ALOX15: variants seen among roughly 807,000 people sequenced by gnomAD.
ALOX15 encodes the protein polyunsaturated fatty acid lipoxygenase ALOX15.
ALOX15 carries 68 observed loss-of-function variants against 71.7 expected under a neutral mutation model. That is an observed-to-expected ratio of 0.95 (90% CI 0.78 to 1.16). The LOEUF is 1.16. ALOX15 is among the 50% of genes most tolerant of loss of function. ALOX15 has a pLI of 0.00. For missense variants in ALOX15, 798 were observed against 818.8 expected (o/e 0.97, Z 0.31); for synonymous variants, 346 against 333.3 (o/e 1.04, Z -0.42).
intron 2 of ALOX15, 53 bp downstream of exon 2, chr17:4,639,377 C>G: frequency 6.2e-7 from 1 of 1,602,736 alleles, no homozygotes; most frequent in Non-Finnish European, 8.5e-7. Flanking sequence ...GCGCATCCCC[C>G]CAGCTTCTCA....
At chr17:4,636,584 C>G (rs1453835792) in intron 7 of ALOX15, among the ~76,000 whole-genome samples, 1 of 152,066 alleles carries the variant, frequency 6.6e-6, no homozygotes, top group African/African-American at 2.4e-5. Flanking sequence ...GGCATGTTGC[C>G]CCAGTCCCTA....
Position 4,638,960 on chromosome 17 carries a change from C to T in ALOX15, c.432G>A (p.Trp144Ter). 1 of 1,614,246 alleles carries T rather than the reference C, an allele frequency of 6.2e-7. No individual in the cohort carries two copies. Among genetic ancestry groups the T allele is most frequent in the Non-Finnish European group, 8.5e-7 (1 of 1,180,048 alleles). ...ERRKLYRWGN[W>*]KDGLILNMAG... ...CCATATTCAGAATTAACCCGTCCTT[C>T]CAGTTTCCCCACCTGTGGGGCAGGA... The change falls in exon 4 of 14, where the codon TGG becomes TGA. Residue 144 changes from tryptophan (W) to a stop codon, truncating the protein, a stop_gained. Coordinates refer to ENST00000293761, the MANE Select transcript of ALOX15 (RefSeq NM_001140.5). LOFTEE classifies it high-confidence loss of function.
chr17:4,639,058 A>T lies in ALOX15; in HGVS notation c.412T>A (p.Leu138Met). Residue 138 changes from leucine (L) to methionine (M), a missense_variant, in exon 3 of 14, where the codon TTG becomes ATG. By Grantham distance (15) the Leu-to-Met change is conservative. Around this residue, in one of 3 missense-constraint regions of ALOX15, gnomAD observed 300 missense variants for 283.1 expected, o/e 1.06. Coordinates refer to ENST00000293761, the MANE Select transcript of ALOX15 (RefSeq NM_001140.5). ...CAGGGGAGGAGGGCTCACCGGTACA[A>T]CTTCCTTCTCTCTTCCAGCTCTTCT... ...REEELEERRK[L>M]YRWGNWKDGL... 6.2e-7 allele frequency: 1 copy of T among 1,614,132 alleles called. No individual in the cohort carries two copies. Among genetic ancestry groups the T allele is most frequent in the Non-Finnish European group, 8.5e-7 (1 of 1,180,008 alleles).
chr17:4,639,703 T>C, intron 1 of ALOX15, 72 bp from the exon 2 acceptor site: 2 of 1,449,460 alleles, frequency 1.4e-6, no homozygotes, highest in Non-Finnish European at 1.9e-6. Context: ...CCCTGCTCCC[T>C]CCAGCGCCCA....
rs17852628 is a variant in ALOX15, at chr17:4,633,183, C to A, written c.1381G>T (p.Ala461Ser). ...TCCCAGAGCCGCAGCGCATCTTGGG[C>A]ATAGAAGGAAGACTTCACTCCCAGG... ...GLLGVKSSFY[A>S]QDALRLWEII... Residue 461 changes from alanine to serine, a missense_variant, in exon 10 of 14, where the codon GCC becomes TCC. Coordinates refer to ENST00000293761, the MANE Select transcript of ALOX15 (RefSeq NM_001140.5). 6.2e-7 allele frequency: 1 copy of A among 1,614,132 alleles called. No individual in the cohort carries two copies. The highest frequency in any genetic ancestry group is 8.5e-7 in the Non-Finnish European group (1 of 1,180,000).
At chr17:4,635,291 A>G (rs1911056958) in intron 8 of ALOX15, among the ~76,000 whole-genome samples, 6 of 151,666 alleles carry the variant, frequency 4.0e-5, no homozygotes, top group Middle Eastern at 3.4e-3. Context: ...AAAATTAGCC[A>G]GGCCTGGTGG....
chr17:4,641,552 C>T lies in ALOX15; in HGVS notation c.100G>A (p.Ala34Thr), dbSNP rs1197806271. 5.6e-6 allele frequency: 9 copies of T among 1,613,332 alleles called. No individual in the cohort carries two copies. The highest frequency in any genetic ancestry group is 1.1e-5 in the South Asian group (1 of 91,076). Reference sequence around the variant, plus strand: ...GCGGGCCACAGTCGCTTCCCGAGCGCCGCCTCCCCGTGCTGGCCGACCAGC... The same window carrying T: ...GCGGGCCACAGTCGCTTCCCGAGCGTCGCCTCCCCGTGCTGGCCGACCAGC... ...LWLVGQHGEA[A>T]LGKRLWPARG... Residue 34 changes from alanine (A) to threonine (T), a missense_variant, in exon 1 of 14, where the codon GCG becomes ACG. By Grantham distance (58) the Ala-to-Thr change is moderately conservative. Around this residue, in one of 3 missense-constraint regions of ALOX15, gnomAD observed 300 missense variants for 283.1 expected, o/e 1.06. Transcript: ENST00000293761.
In ALOX15 at chr17:4,631,260, C is replaced by A; in HGVS notation, c.*340G>T. 1 of 235,608 alleles carries A rather than the reference C, an allele frequency of 4.2e-6. No homozygotes were observed. The highest frequency in any genetic ancestry group is 9.2e-5 in the East Asian group (1 of 10,848). The allele number at this position is 235,608 out of a possible 1,614,324, so 14.6% of individuals were successfully genotyped here. A position where few individuals can be genotyped will look rare whatever the true frequency, so the allele number is the denominator to read the frequency against. ...AACAACAAAAAAATCATATTTGATTCATAAAAGGTGTGGAGTAATATGTAT... is the reference window on the plus strand; with the variant it reads ...AACAACAAAAAAATCATATTTGATTAATAAAAGGTGTGGAGTAATATGTAT... On this transcript the variant is annotated 3_prime_UTR_variant, in exon 14 of 14. Coordinates refer to ENST00000293761, the MANE Select transcript of ALOX15 (RefSeq NM_001140.5).
chr17:4,634,555 A>G (rs946836099), intron 8 of ALOX15, among the ~76,000 whole-genome samples: 1 of 150,802 alleles, frequency 6.6e-6, no homozygotes, highest in Non-Finnish European at 1.5e-5. Context: ...CCCTTTTGAG[A>G]TGTTTTTTCC....
In ALOX15 at chr17:4,631,933, G is replaced by A. The variant is rs2150534485; in HGVS notation, c.1765C>T (p.Gln589Ter). ...CCCAGCTGCCAAGTGATGGACATCT[G>A]GAGAGAAGCCTGGTGGAAGTTGGGC... ...TLPNFHQASL[Q>*]MSITWQLGRR... is the part of the protein sequence containing the mutation. Residue 589 changes from glutamine to a stop codon, truncating the protein, a stop_gained, in exon 13 of 14, where the codon CAG becomes TAG. Transcript: ENST00000293761. LOFTEE classifies it low-confidence loss of function (END_TRUNC). 6.2e-7 allele frequency: 1 copy of A among 1,614,050 alleles called. No homozygotes were observed. Among genetic ancestry groups the A allele is most frequent in the Non-Finnish European group, 8.5e-7 (1 of 1,180,002 alleles).
intron 1 of ALOX15, 22 bp from the exon 2 acceptor site, chr17:4,639,653 C>G: frequency 6.3e-7 from 1 of 1,594,670 alleles, no homozygotes; most frequent in South Asian, 1.1e-5. Context: ...AGAAGAGGCT[C>G]AGCCCCGGTG....
At position 4,632,311 on chromosome 17, in the gene ALOX15, C is replaced by A. The variant is rs753730814; in HGVS notation, c.1541-30G>T. The A allele has an allele frequency of 5.7e-6, 9 of 1,589,038 alleles. No homozygotes were observed. The Admixed American group carries it at 8.4e-5, about 15-fold the overall frequency. ...AAGGGGTGAAGAGAGTTAGAAGCTG[C>A]GAAGGCAGGAGTAGGGCAGCGCTCA... On this transcript the variant is annotated intron_variant, in intron 11 of 13. Coordinates refer to ENST00000293761, the MANE Select transcript of ALOX15 (RefSeq NM_001140.5).
rs147083325 is a variant in ALOX15, at chr17:4,638,678, G to A, written c.549C>T (p.Ala183=). The A allele has an allele frequency of 2.7e-5, 43 of 1,613,994 alleles. 1 individual carries two copies. Among genetic ancestry groups the A allele is most frequent in the Admixed American group, 6.7e-5 (4 of 59,996 alleles). ...DFEVSLAKGL[A]DLAIKDSLNV... ...TTAGAGAGTCTTTGATAGCGAGGTC[G>A]GCCAGCCTTCAGGGCAGGATGGGGC... The change falls in exon 5 of 14, where the codon GCC becomes GCT. Residue 183 remains alanine, a synonymous_variant. Transcript: ENST00000293761.
chr17:4,635,800 C>A lies in ALOX15; in HGVS notation c.1120G>T (p.Ala374Ser). ...GHLMAEVIVV[A>S]TMRCLPSIHP... is the part of the protein sequence containing the mutation. Reference sequence around the variant, plus strand: ...ATCGACGGCAGGCACCTCATGGTGGCCACAACAATGACCTCAGCCATCAAG... The same window carrying A: ...ATCGACGGCAGGCACCTCATGGTGGACACAACAATGACCTCAGCCATCAAG... Residue 374 changes from alanine to serine, a missense_variant, in exon 8 of 14, where the codon GCC becomes TCC. Coordinates refer to ENST00000293761, the MANE Select transcript of ALOX15 (RefSeq NM_001140.5). The A allele has an allele frequency of 6.2e-7, 1 of 1,614,214 alleles. No homozygotes were observed. The highest frequency in any genetic ancestry group is 8.5e-7 in the Non-Finnish European group (1 of 1,180,042).
In ALOX15 at chr17:4,630,985, A is replaced by G. The variant is rs1910875767; in HGVS notation, c.*615T>C. On this transcript the variant is annotated 3_prime_UTR_variant, in exon 14 of 14. Transcript: ENST00000293761. ...TCTTTTCCATCTTTAGCGTAAAACA[A>G]CTTTTTATTATTGTTAAACTCAATT... is the stretch of plus-strand genomic sequence containing the variant. 1.3e-5 allele frequency: 2 copies of G among 152,218 alleles called. No individual in the cohort carries two copies. The highest frequency in any genetic ancestry group is 4.8e-5 in the African/African-American group (2 of 41,456). 9.4% of individuals were successfully genotyped at this position (152,218 alleles called of 1,614,324 possible). A position where few individuals can be genotyped will look rare whatever the true frequency, so the allele number is the denominator to read the frequency against.
At position 4,631,946 on chromosome 17, in the gene ALOX15, G is replaced by A; in HGVS notation, c.1752C>T (p.His584=). The A allele has an allele frequency of 6.2e-7, 1 of 1,614,138 alleles. No individual in the cohort carries two copies. The highest frequency in any genetic ancestry group is 1.1e-5 in the South Asian group (1 of 91,060). Reference sequence around the variant, plus strand: ...TGATGGACATCTGGAGAGAAGCCTGGTGGAAGTTGGGCAGTGTCGCCATCA... The same window carrying A: ...TGATGGACATCTGGAGAGAAGCCTGATGGAAGTTGGGCAGTGTCGCCATCA... ...ETVMATLPNF[H]QASLQMSITW... is the part of the protein sequence containing the mutation. The change falls in exon 13 of 14, where the codon CAC becomes CAT. Residue 584 remains histidine (H), a synonymous_variant. Coordinates refer to ENST00000293761, the MANE Select transcript of ALOX15 (RefSeq NM_001140.5).
chr17:4,636,574 G>A (rs1010269188), intron 7 of ALOX15, among the ~76,000 whole-genome samples: 50 of 152,024 alleles, frequency 3.3e-4, no homozygotes, highest in Non-Finnish European at 1.6e-4. Context: ...TCAGTGCTGG[G>A]GCATGTTGCC....
intron 1 of ALOX15, among the ~76,000 whole-genome samples, chr17:4,641,047 G>C (rs1345237456): frequency 1.3e-5 from 2 of 150,570 alleles, no homozygotes; most frequent in Admixed American, 6.6e-5. Context: ...TGTGACATGA[G>C]ATATGACGGG....
chr17:4,631,737 C>A lies in ALOX15; in HGVS notation c.1852G>T (p.Glu618Ter). The part of the protein sequence containing the change: ...QHEEEYFSGP[E>*]PKAVLKKFRE... ...AACTTCTTCAGCACAGCCTTAGGCT[C>A]AGGGCCCGAAAAATACTCCTCCTCA... Residue 618 changes from glutamate to a stop codon, truncating the protein, a stop_gained, in exon 14 of 14, where the codon GAG becomes TAG. Transcript: ENST00000293761. LOFTEE classifies it low-confidence loss of function (END_TRUNC). The A allele has an allele frequency of 6.2e-7, 1 of 1,614,136 alleles. No homozygotes were observed. Among genetic ancestry groups the A allele is most frequent in the East Asian group, 2.2e-5 (1 of 44,880 alleles).
Sources: allele counts gnomAD v4.1 joint callset (sites outside exome capture counted in the v4.1 genomes callset), GRCh38; gene constraint gnomAD v4.1.1; regional missense constraint gnomAD v4.1.1; transcripts MANE v1.5; gene names NCBI Gene and HGNC (gene_info 2026-07-23, HGNC 2026-07-21).